UQCRB: variants seen among roughly 807,000 people sequenced by gnomAD.
UQCRB encodes the protein ubiquinol-cytochrome c reductase binding protein, also known as cytochrome b-c1 complex subunit 7.
A neutral mutation model predicts 19.8 loss-of-function variants in UQCRB; 12 were observed. The ratio of observed to expected loss-of-function variants is 0.61; its 90% CI spans 0.39 to 0.98. UQCRB has a LOEUF of 0.98. Ranked by LOEUF, UQCRB falls within the 50% of genes least tolerant of loss-of-function variation. The pLI, the probability that UQCRB is intolerant of heterozygous loss-of-function variation, is 0.00. For synonymous variants in UQCRB, 39 were observed against 42.9 expected, an observed-to-expected ratio of 0.91 and a Z score of 0.35; for missense variants, 142 against 131.8, an observed-to-expected ratio of 1.08 and a Z score of -0.38.
Position 96,231,091 on chromosome 8 carries a change from C to T in UQCRB, c.300G>A (p.Arg100=). 6.2e-7 allele frequency: 1 copy of T among 1,613,852 alleles called. No individual in the cohort carries two copies. The highest frequency in any genetic ancestry group is 1.3e-5 in the African/African-American group (1 of 75,002). ...YLEPYLKEVI[R]ERKEREEWAK... Reference sequence around the variant, plus strand: ...CCCATTCTTCTCTTTCTTTTCTTTCCCGAATAACCTCTTTCAGATACGGTT... The same window carrying T: ...CCCATTCTTCTCTTTCTTTTCTTTCTCGAATAACCTCTTTCAGATACGGTT... Residue 100 remains arginine, a synonymous_variant, in exon 4 of 4, where the codon CGG becomes CGA. Transcript: ENST00000287022.
At position 96,226,351 on chromosome 8, in the gene UQCRB, T is replaced by C. The variant is rs1431330263; in HGVS notation, c.*4704A>G. On this transcript the variant is annotated 3_prime_UTR_variant, in exon 4 of 4. Coordinates refer to ENST00000287022, the MANE Select transcript of UQCRB (RefSeq NM_006294.5). ...CATCAGTATTAGTTCATCCCAACAA[T>C]AAAGAGCGTAAGTTAAATCACAGAC... The C allele has an allele frequency of 3.1e-5, 5 of 162,072 alleles. No individual in the cohort carries two copies. Among genetic ancestry groups the C allele is most frequent in the African/African-American group, 1.2e-4 (5 of 41,512 alleles). The allele number at this position is 162,072 out of a possible 1,614,324, so 10.0% of individuals were successfully genotyped here. A position where few individuals can be genotyped will look rare whatever the true frequency, so the allele number is the denominator to read the frequency against.
Position 96,227,504 on chromosome 8 carries a change from CCT to C in UQCRB, c.*3549_*3550del. 1 of 454,122 alleles carries C rather than the reference CCT, an allele frequency of 2.2e-6. No homozygotes were observed. Among genetic ancestry groups the C allele is most frequent in the South Asian group, 1.6e-5 (1 of 64,476 alleles). The allele number at this position is 454,122 out of a possible 1,614,324, so 28.1% of individuals were successfully genotyped here. On this transcript the variant is annotated 3_prime_UTR_variant, in exon 4 of 4. Coordinates refer to ENST00000287022, the MANE Select transcript of UQCRB (RefSeq NM_006294.5). ...CTGTCTTACTCACTTTCTAACCATC[CCT>C]CTCTGATACTGTCCCTCCTAAAATC...
chr8:96,233,284 GA>G (rs1809720135), intron 1 of UQCRB, 57 bp from the exon 2 acceptor site: 1 of 1,523,640 alleles, frequency 6.6e-7, no homozygotes, highest in Non-Finnish European at 9.1e-7. Context: ...TGAACACATT[GA>G]TAGGCAAGCA....
chr8:96,231,148 A>G lies in UQCRB; in HGVS notation c.259-16T>C. On this transcript the variant is annotated splice_polypyrimidine_tract_variant and intron_variant, in intron 3 of 3. Transcript: ENST00000287022. ...AGAAATTTTCCTAAAGAATGAATGA[A>G]ATATTATATGTTACCATCACGTACT... 1 of 1,614,144 alleles carries G rather than the reference A, an allele frequency of 6.2e-7. No homozygotes were observed. The highest frequency in any genetic ancestry group is 8.5e-7 in the Non-Finnish European group (1 of 1,179,982).
rs1318740923 is a variant in UQCRB, at chr8:96,227,177, T to G, written c.*3878A>C. 2.2e-6 allele frequency: 1 copy of G among 452,852 alleles called. No individual in the cohort carries two copies. Among genetic ancestry groups the G allele is most frequent in the Admixed American group, 2.4e-5 (1 of 42,424 alleles). The allele number at this position is 452,852 out of a possible 1,614,324, so 28.1% of individuals were successfully genotyped here. ...AAAAGGAAATATGGTCATAACTGAT[T>G]GAAGTAATAAAATCCTGAAACTAAA... On this transcript the variant is annotated 3_prime_UTR_variant, in exon 4 of 4. Transcript: ENST00000287022.
intron 2 of UQCRB, chr8:96,232,881 GA>G: frequency 3.1e-6 from 1 of 326,024 alleles, no homozygotes; most frequent in Non-Finnish European, 5.5e-6. Flanking sequence ...GAAGAGTTGG[GA>G]AAGGGGGTGT....
In UQCRB at chr8:96,227,055, T is replaced by C. The variant is rs920567220; in HGVS notation, c.*4000A>G. 6.6e-6 allele frequency: 3 copies of C among 453,602 alleles called. No individual in the cohort carries two copies. Among genetic ancestry groups the C allele is most frequent in the African/African-American group, 4.0e-5 (2 of 49,992 alleles). 28.1% of individuals were successfully genotyped at this position (453,602 alleles called of 1,614,324 possible). On this transcript the variant is annotated 3_prime_UTR_variant, in exon 4 of 4. Coordinates refer to ENST00000287022, the MANE Select transcript of UQCRB (RefSeq NM_006294.5). ...ACCAGAATGTAAACAAATTATGGCA[T>C]ATAAATTAAAACATTTAAAATATTT... is the stretch of plus-strand genomic sequence containing the variant.
intron 3 of UQCRB, 23 bp downstream of exon 3, chr8:96,231,751 T>C: frequency 6.2e-7 from 1 of 1,614,070 alleles, no homozygotes; most frequent in Non-Finnish European, 8.5e-7. Flanking sequence ...AGCAACACTG[T>C]CAGGTAGATA....
Position 96,224,775 on chromosome 8 carries a change from T to C in UQCRB, c.*6280A>G, listed in dbSNP as rs1218492536. Among the ~76,000 whole-genome samples, 1 of 152,230 alleles carries C rather than the reference T, an allele frequency of 6.6e-6. No homozygotes were observed. Among genetic ancestry groups the C allele is most frequent in the Non-Finnish European group, 1.5e-5 (1 of 68,040 alleles). On this transcript the variant is annotated 3_prime_UTR_variant, in exon 4 of 4. Transcript: ENST00000287022. Reference sequence around the variant, plus strand: ...GGGATTGAAGATTTATGGTTTTGTTTCTTATACCTAAAAGTACTGGATGAA... The same window carrying C: ...GGGATTGAAGATTTATGGTTTTGTTCCTTATACCTAAAAGTACTGGATGAA...
Position 96,224,437 on chromosome 8 carries a change from G to C in UQCRB, c.*6618C>G, listed in dbSNP as rs113612845. Among the ~76,000 whole-genome samples the C allele has an allele frequency of 2.0e-5, 3 of 152,148 alleles. 1 individual carries two copies. Among genetic ancestry groups the C allele is most frequent in the Admixed American group, 1.3e-4 (2 of 15,282 alleles). The stretch of plus-strand genomic sequence containing the variant: ...CCAAGCCAGAAGCCAGAAGGCAAAA[G>C]TGTCTATTTGTGCAGTCTTTACATC... On this transcript the variant is annotated 3_prime_UTR_variant, in exon 4 of 4. Coordinates refer to ENST00000287022, the MANE Select transcript of UQCRB (RefSeq NM_006294.5).
At position 96,222,983 on chromosome 8, in the gene UQCRB, AT is replaced by A. The variant is rs1212906017; in HGVS notation, c.*8071del. ...CTTATTTATTTGTGCAATCTAAAAC[AT>A]GTCAAATACATAGAAACAGAGAAGA... On this transcript the variant is annotated 3_prime_UTR_variant, in exon 4 of 4. Coordinates refer to ENST00000287022, the MANE Select transcript of UQCRB (RefSeq NM_006294.5). Among the ~76,000 whole-genome samples the A allele has an allele frequency of 4.6e-5, 7 of 152,208 alleles. No homozygotes were observed. Among genetic ancestry groups the A allele is most frequent in the African/African-American group, 1.7e-4 (7 of 41,458 alleles).
At chr8:96,231,989 G>A (rs781393195) in intron 2 of UQCRB, 49 bp from the exon 3 acceptor site, 1 of 1,597,576 alleles carries the variant, frequency 6.3e-7, no homozygotes. Flanking sequence ...AAAAATCGCG[G>A]TTTTTTTAAA....
Position 96,229,015 on chromosome 8 carries a change from G to C in UQCRB, c.*2040C>G, listed in dbSNP as rs1469104258. On this transcript the variant is annotated 3_prime_UTR_variant, in exon 4 of 4. Coordinates refer to ENST00000287022, the MANE Select transcript of UQCRB (RefSeq NM_006294.5). ...TTAACAAATTCTCACCCATTCACCT[G>C]TGTGAGCCAAATACTAGATCTACTT... is the stretch of plus-strand genomic sequence containing the variant. 1 of 454,030 alleles carries C rather than the reference G, an allele frequency of 2.2e-6. No homozygotes were observed. The highest frequency in any genetic ancestry group is 1.6e-5 in the South Asian group (1 of 64,476). The allele number at this position is 454,030 out of a possible 1,614,324, so 28.1% of individuals were successfully genotyped here.
chr8:96,230,146 G>A lies in UQCRB; in HGVS notation c.*909C>T. 1 of 453,876 alleles carries A rather than the reference G, an allele frequency of 2.2e-6. No homozygotes were observed. Among genetic ancestry groups the A allele is most frequent in the Non-Finnish European group, 4.4e-6 (1 of 226,654 alleles). The allele number at this position is 453,876 out of a possible 1,614,324, so 28.1% of individuals were successfully genotyped here. A position where few individuals can be genotyped will look rare whatever the true frequency, so the allele number is the denominator to read the frequency against. Reference sequence around the variant, plus strand: ...GCTGAAGTGCAGTGGTGTGATCTAGGCTCACTGCAACCTCCACCTCCTGGG... The same window carrying A: ...GCTGAAGTGCAGTGGTGTGATCTAGACTCACTGCAACCTCCACCTCCTGGG... On this transcript the variant is annotated 3_prime_UTR_variant, in exon 4 of 4. Coordinates refer to ENST00000287022, the MANE Select transcript of UQCRB (RefSeq NM_006294.5).
intron 2 of UQCRB, 159 bp from the exon 3 acceptor site, chr8:96,232,099 T>C (rs1410629967): frequency 4.2e-6 from 3 of 710,564 alleles, no homozygotes; most frequent in East Asian, 5.4e-5. Context: ...TCATACATTA[T>C]AGGTTGGTGC....
Position 96,230,232 on chromosome 8 carries a change from C to G in UQCRB, c.*823G>C, listed in dbSNP as rs28521094. 4.6e-6 allele frequency: 2 copies of G among 433,034 alleles called. No homozygotes were observed. The highest frequency in any genetic ancestry group is 4.1e-5 in the African/African-American group (2 of 48,984). 26.8% of individuals were successfully genotyped at this position (433,034 alleles called of 1,614,324 possible). On this transcript the variant is annotated 3_prime_UTR_variant, in exon 4 of 4. Coordinates refer to ENST00000287022, the MANE Select transcript of UQCRB (RefSeq NM_006294.5). ...CTGGGATTACAGGTGCCTACCATCA[C>G]GCCTAGCTAATTTTTTGTATTTTTA...
rs763905353 is a variant in UQCRB at position 96,229,477 on chromosome 8, C to T, written c.*1578G>A. 2.2e-5 allele frequency: 10 copies of T among 453,984 alleles called. No individual in the cohort carries two copies. Among genetic ancestry groups the T allele is most frequent in the Admixed American group, 9.4e-5 (4 of 42,546 alleles). 28.1% of individuals were successfully genotyped at this position (453,984 alleles called of 1,614,324 possible). A position where few individuals can be genotyped will look rare whatever the true frequency, so the allele number is the denominator to read the frequency against. ...TCTCCTTGTAATTGTGCACAGTAGA[C>T]GTCTGAACGAATAGACCAGAGTCCT... On this transcript the variant is annotated 3_prime_UTR_variant, in exon 4 of 4. Transcript: ENST00000287022.
Position 96,230,457 on chromosome 8 carries a change from A to T in UQCRB, c.*598T>A, listed in dbSNP as rs189111788. ...GACTAGTATCCAACCCTTAAACTTC[A>T]TAACAATCATTTCCAAAGTGGAAAA... On this transcript the variant is annotated 3_prime_UTR_variant, in exon 4 of 4. Transcript: ENST00000287022. 2.2e-6 allele frequency: 1 copy of T among 454,094 alleles called. No homozygotes were observed. Among genetic ancestry groups the T allele is most frequent in the Non-Finnish European group, 4.4e-6 (1 of 226,790 alleles). The allele number at this position is 454,094 out of a possible 1,614,324, so 28.1% of individuals were successfully genotyped here.
rs1314027975 is a variant in UQCRB, at chr8:96,228,849, ACTACAGGACAATGTAGATTTGGT to A, written c.*2183_*2205del. ...CGGTCTACAGGACAATGTAGACCAG[ACTACAGGACAATGTAGATTTGGT>A]CTACAGGACAATGCAGAGTGCCTGT... On this transcript the variant is annotated 3_prime_UTR_variant, in exon 4 of 4. Coordinates refer to ENST00000287022, the MANE Select transcript of UQCRB (RefSeq NM_006294.5). 2 of 454,098 alleles carry A rather than the reference ACTACAGGACAATGTAGATTTGGT, an allele frequency of 4.4e-6. No homozygotes were observed. Among genetic ancestry groups the A allele is most frequent in the Middle Eastern group, 6.9e-4 (1 of 1,444 alleles). 28.1% of individuals were successfully genotyped at this position (454,098 alleles called of 1,614,324 possible).
Sources: gnomAD v4.1 joint callset for allele counts (sites outside exome capture counted in the v4.1 genomes callset) on GRCh38, gnomAD v4.1.1 for gene constraint, MANE v1.5 for transcripts, NCBI Gene and HGNC (gene_info 2026-07-23, HGNC 2026-07-21) for gene names.